The following PTPRR variants were observed in gnomAD, a reference collection of about 807,000 sequenced individuals.
The protein encoded by PTPRR is receptor-type tyrosine-protein phosphatase R.
PTPRR carries 38 observed loss-of-function variants against 77.2 expected under a neutral mutation model. The ratio of observed to expected loss-of-function variants is 0.49; its 90% confidence interval spans 0.38 to 0.65. The LOEUF is 0.65. PTPRR is among the 30% of genes least tolerant of loss of function. The pLI is 0.00. For missense variants in PTPRR, 744 were observed against 799.2 expected (o/e 0.93, Z 0.83); for synonymous variants, 299 against 283.1 (o/e 1.06, Z -0.57).
chr12:70,882,022 A>G (rs1893157816), intron 2 of PTPRR, among the ~76,000 whole-genome samples: 1 of 151,960 alleles, frequency 6.6e-6, no homozygotes, highest in Non-Finnish European at 1.5e-5. Context: ...ACGCTGTTGG[A>G]TTTCTTGTTT....
chr12:70,776,836 A>C (rs1891098966), intron 2 of PTPRR, among the ~76,000 whole-genome samples: 1 of 152,026 alleles, frequency 6.6e-6, no homozygotes, highest in Admixed American at 6.6e-5. Flanking sequence ...CTCCAGTAGT[A>C]CTGTGTTGGA....
chr12:70,712,133 T>C (rs1048157017), intron 6 of PTPRR, among the ~76,000 whole-genome samples: 1 of 151,956 alleles, frequency 6.6e-6, no homozygotes, highest in Non-Finnish European at 1.5e-5. Flanking sequence ...GGAGAGTCAA[T>C]GACTTTGCTG....
chr12:70,716,591 A>G (rs1889040051), intron 6 of PTPRR, among the ~76,000 whole-genome samples: 1 of 152,084 alleles, frequency 6.6e-6, no homozygotes, highest in African/African-American at 2.4e-5. Context: ...GGTAATGGTA[A>G]CTTTTTTCAG....
chr12:70,667,474 C>T (rs1289461891), intron 10 of PTPRR, among the ~76,000 whole-genome samples: 1 of 152,162 alleles, frequency 6.6e-6, no homozygotes, highest in Non-Finnish European at 1.5e-5. Context: ...CATCAACCCC[C>T]TGGTTACCCA....
chr12:70,727,749 C>T (rs1889495183), intron 6 of PTPRR, among the ~76,000 whole-genome samples: 1 of 152,132 alleles, frequency 6.6e-6, no homozygotes, highest in African/African-American at 2.4e-5. Context: ...ATCCAAACGG[C>T]ACAGAATGGC....
chr12:70,789,925 ATAAG>A (rs1179658853), intron 2 of PTPRR, among the ~76,000 whole-genome samples: 1 of 152,190 alleles, frequency 6.6e-6, no homozygotes, highest in Non-Finnish European at 1.5e-5. Context: ...CGAATAAAAA[ATAAG>A]TAGGCACAAA....
chr12:70,721,778 A>G (rs545748003), intron 6 of PTPRR, among the ~76,000 whole-genome samples: 31 of 152,162 alleles, frequency 2.0e-4, no homozygotes, highest in Non-Finnish European at 3.2e-4. Flanking sequence ...GTGAACAAAT[A>G]AACAAAGTGG....
At chr12:70,910,480 T>C (rs1416074233) in intron 1 of PTPRR, among the ~76,000 whole-genome samples, 1 of 152,178 alleles carries the variant, frequency 6.6e-6, no homozygotes, top group Non-Finnish European at 1.5e-5. Context: ...ATTTAGGAAA[T>C]ACTCATTTGT....
chr12:70,638,661 G>A lies in PTPRR; in HGVS notation c.*523C>T, dbSNP rs1246315662. On this transcript the variant is annotated 3_prime_UTR_variant, in exon 14 of 14. Transcript: ENST00000283228. ...GTTTTTCAAAAACAAAGACTTCTCT[G>A]TTAAAAATCCATTATCAATCACTTG... 6.6e-6 allele frequency: 1 copy of A among 152,300 alleles called. No individual in the cohort carries two copies. The highest frequency in any genetic ancestry group is 2.4e-5 in the African/African-American group (1 of 41,410). The allele number at this position is 152,300 out of a possible 1,614,324, so 9.4% of individuals were successfully genotyped here.
chr12:70,808,413 C>A (rs1891749696), intron 2 of PTPRR, among the ~76,000 whole-genome samples: 1 of 152,114 alleles, frequency 6.6e-6, no homozygotes, highest in Admixed American at 6.6e-5. Context: ...TACACTCCCT[C>A]CCCTCTGAAA....
chr12:70,671,914 T>C, intron 10 of PTPRR: 1 of 881,156 alleles, frequency 1.1e-6, no homozygotes, highest in Non-Finnish European at 1.8e-6. Context: ...GCCGCCAGGC[T>C]CTGATGCTGG....
At chr12:70,739,954 T>C (rs777723623) in intron 6 of PTPRR, among the ~76,000 whole-genome samples, 7 of 152,152 alleles carry the variant, frequency 4.6e-5, no homozygotes, top group African/African-American at 9.7e-5. Context: ...CAAATGGATT[T>C]GGAGCAAATG....
chr12:70,706,975 A>T (rs755108873), intron 6 of PTPRR, among the ~76,000 whole-genome samples: 10 of 148,640 alleles, frequency 6.7e-5, no homozygotes, highest in Non-Finnish European at 1.5e-4. Context: ...TAATAATAAC[A>T]TGGTGATTTT....
intron 8 of PTPRR, among the ~76,000 whole-genome samples, chr12:70,689,000 T>C (rs1317057622): frequency 7.0e-6 from 1 of 142,644 alleles, no homozygotes; most frequent in Non-Finnish European, 1.5e-5. Flanking sequence ...AAATAGAGAG[T>C]AGAATGGTGG....
In PTPRR at chr12:70,872,161, TA is replaced by T. The variant is rs1433389536; in HGVS notation, c.357+20517del. On this transcript the variant is annotated intron_variant, in intron 2 of 13. Transcript: ENST00000283228. Reference sequence around the variant, plus strand: ...AAAGTTCATTCTGTAAAAGGCCATCTAAAAATGTAAACAGAAATTACATTTA... The same window carrying T: ...AAAGTTCATTCTGTAAAAGGCCATCTAAAATGTAAACAGAAATTACATTTA... 3.9e-5 allele frequency among the ~76,000 whole-genome samples: 6 copies of T among 152,310 alleles called. No homozygotes were observed. In the East Asian group the frequency reaches 9.7e-4, roughly 25 times the overall value.
At chr12:70,912,823 T>A (rs925765284) in intron 1 of PTPRR, among the ~76,000 whole-genome samples, 1 of 152,182 alleles carries the variant, frequency 6.6e-6, no homozygotes, top group Non-Finnish European at 1.5e-5. Context: ...GGAAATTTGA[T>A]CTTAAAATAA....
chr12:70,891,438 G>A (rs1893334056), intron 2 of PTPRR, among the ~76,000 whole-genome samples: 2 of 152,062 alleles, frequency 1.3e-5, no homozygotes, highest in Admixed American at 6.6e-5. Context: ...AATAGACAGA[G>A]TACATGACTT....
intron 2 of PTPRR, among the ~76,000 whole-genome samples, chr12:70,767,802 T>C (rs1890865754): frequency 6.6e-6 from 1 of 152,106 alleles, no homozygotes; most frequent in African/African-American, 2.4e-5. Flanking sequence ...GAACAGAAAT[T>C]GTAACAATTG....
chr12:70,647,632 T>A (rs1294746046), intron 13 of PTPRR, among the ~76,000 whole-genome samples: 1 of 152,214 alleles, frequency 6.6e-6, no homozygotes, highest in Non-Finnish European at 1.5e-5. Context: ...TTTAACTAGG[T>A]GGTATAGTTG....
Sources: allele counts gnomAD v4.1 joint callset (sites outside exome capture counted in the v4.1 genomes callset), GRCh38; gene constraint gnomAD v4.1.1; transcripts MANE v1.5; gene names NCBI Gene and HGNC (gene_info 2026-07-23, HGNC 2026-07-21).